CCNH: variants seen among roughly 807,000 people sequenced by gnomAD.
CCNH encodes cyclin-H.
A neutral mutation model predicts 41.9 loss-of-function variants in CCNH; 31 were observed. The ratio of observed to expected loss-of-function variants is 0.74; its 90% CI spans 0.56 to 1.00. The LOEUF (loss-of-function observed/expected upper bound fraction) is 1.00, where lower values mean the gene tolerates loss of function less well. CCNH is among the 50% of genes least tolerant of loss of function. The pLI is 0.00. For missense variants in CCNH, 362 were observed against 388.4 expected, an observed-to-expected ratio of 0.93 and a Z score of 0.57; for synonymous variants, 138 against 136.1, an observed-to-expected ratio of 1.01 and a Z score of -0.10.
At chr5:87,384,811 TCTC>T (rs1761955393) in intron 9 of CCNH, among the ~76,000 whole-genome samples, 1 of 152,158 alleles carries the variant, frequency 6.6e-6, no homozygotes, top group South Asian at 2.1e-4. Flanking sequence ...TTCATGTTTT[TCTC>T]CTCAAAATAA....
intron 9 of CCNH, among the ~76,000 whole-genome samples, chr5:87,328,263 A>G (rs1757375430): frequency 6.6e-6 from 1 of 152,170 alleles, no homozygotes; most frequent in Non-Finnish European, 1.5e-5. Context: ...GAGTATTCTC[A>G]TACCACCAGT....
At chr5:87,320,449 G>A (rs1756701757) in intron 9 of CCNH, among the ~76,000 whole-genome samples, 1 of 152,192 alleles carries the variant, frequency 6.6e-6, no homozygotes, top group Admixed American at 6.5e-5. Context: ...AGTTCTGTAG[G>A]CTGTACAGGA....
intron 9 of CCNH, chr5:87,332,727 T>C (rs1757688513): frequency 1.5e-6 from 2 of 1,314,740 alleles, no homozygotes; most frequent in East Asian, 2.4e-5. Flanking sequence ...TTCTTATGTT[T>C]ATTATAATTC....
the CCNH span, among the ~76,000 whole-genome samples, chr5:87,312,850 G>A: frequency 2.0e-5 from 3 of 152,000 alleles, no homozygotes; most frequent in South Asian, 4.1e-4. Context: ...TAAATCTTTC[G>A]CTATCAGAGA....
intron 3 of CCNH, 79 bp downstream of exon 3, chr5:87,409,211 T>C (rs1233037500): frequency 2.7e-6 from 2 of 750,348 alleles, no homozygotes; most frequent in East Asian, 2.7e-5. Flanking sequence ...TCTCTCACAA[T>C]TCTCTCCTCC....
At chr5:87,412,323 G>T in intron 1 of CCNH, 1 of 826,634 alleles carries the variant, frequency 1.2e-6, no homozygotes, top group Non-Finnish European at 1.5e-6. Flanking sequence ...CTGACTGCCT[G>T]GAACTTCCTT....
chr5:87,393,071 T>C (rs542093568), downstream of CCNH, among the ~76,000 whole-genome samples: 18 of 148,532 alleles, frequency 1.2e-4, no homozygotes, highest in East Asian at 3.0e-3. Context: ...CACTCTGGAA[T>C]GAGAAAAAAA....
At chr5:87,340,807 A>G (rs1758376111) in intron 9 of CCNH, among the ~76,000 whole-genome samples, 1 of 152,144 alleles carries the variant, frequency 6.6e-6, no homozygotes, top group Non-Finnish European at 1.5e-5. Context: ...AGTACAAGCT[A>G]CAGTGGTGGG....
chr5:87,391,638 A>G, downstream of CCNH: 1 of 233,820 alleles, frequency 4.3e-6, no homozygotes, highest in African/African-American at 2.2e-5. Flanking sequence ...TGTATTGATC[A>G]ATGCATGTTA....
chr5:87,380,393 G>C (rs934778428), upstream of CCNH: 7 of 961,746 alleles, frequency 7.3e-6, no homozygotes, highest in Middle Eastern at 2.2e-4. Flanking sequence ...ACTTTTTTGG[G>C]TAAAAGGCCA....
chr5:87,390,735 G>C, downstream of CCNH: 1 of 1,351,976 alleles, frequency 7.4e-7, no homozygotes, highest in South Asian at 1.2e-5. Flanking sequence ...TTCAAATCCA[G>C]GTTCCCATCC....
At chr5:87,389,579 G>A (rs757723684), downstream of CCNH, 40 of 1,598,974 alleles carry the variant, frequency 2.5e-5, no homozygotes, top group Non-Finnish European at 3.3e-5. Flanking sequence ...ATAACACTTA[G>A]AGAGTTAATA....
At chr5:87,396,307 G>C (rs1041148789) in intron 7 of CCNH, among the ~76,000 whole-genome samples, 2 of 152,116 alleles carry the variant, frequency 1.3e-5, no homozygotes, top group African/African-American at 4.8e-5. Flanking sequence ...ACTGTATATA[G>C]AATCTATAAA....
chr5:87,336,910 A>G (rs1221809438), intron 9 of CCNH, among the ~76,000 whole-genome samples: 1 of 152,092 alleles, frequency 6.6e-6, no homozygotes, highest in Non-Finnish European at 1.5e-5. Context: ...ATTGAGTTAA[A>G]TGTTGTATAA....
rs1491365794 is a variant in CCNH at position 87,338,533 on chromosome 5, A to ATATATAT, written c.*91-19637_*91-19636insATATATA. Among the ~76,000 whole-genome samples the ATATATAT allele has an allele frequency of 7.9e-3, 724 of 91,108 alleles. 26 individuals are homozygous for ATATATAT. The highest frequency in any genetic ancestry group is 0.01 in the South Asian group (30 of 2,926). 59.8% of individuals were successfully genotyped at this position (91,108 alleles called of 152,430 possible). ...TATATATATATATATATATATATAT[A>ATATATAT]AAATTTTTTTTTTTTTTAAGTAGAA... is the stretch of plus-strand genomic sequence containing the variant. On this transcript the variant is annotated intron_variant and NMD_transcript_variant, in intron 9 of 9. Transcript: ENST00000645953.
At chr5:87,318,459 TGTACAGGAAGC>T (rs1322195593) in exon 10 of CCNH, 1 of 153,448 alleles carries the variant, frequency 6.5e-6, no homozygotes, top group Non-Finnish European at 1.4e-5. Flanking sequence ...TTCTGCAGGC[TGTACAGGAAGC>T]ATGGCGGGGG....
At chr5:87,374,826 C>A, downstream of CCNH, 3 of 1,607,672 alleles carry the variant, frequency 1.9e-6, no homozygotes, top group South Asian at 2.2e-5. Context: ...TTCTTTTTCT[C>A]CTTGCTCCTT....
At chr5:87,353,644 T>C (rs760018640) in intron 9 of CCNH, among the ~76,000 whole-genome samples, 7 of 152,150 alleles carry the variant, frequency 4.6e-5, no homozygotes, top group Admixed American at 2.0e-4. Flanking sequence ...TATTTGCCTG[T>C]AGTTTTACGG....
At chr5:87,378,608 A>G (rs1264526592), upstream of CCNH, 2 of 1,434,538 alleles carry the variant, frequency 1.4e-6, no homozygotes, top group Non-Finnish European at 1.9e-6. Context: ...TTTGTAGCCA[A>G]TTACATTTTA....
Sources: allele counts gnomAD v4.1 joint callset (sites outside exome capture counted in the v4.1 genomes callset), GRCh38; gene constraint gnomAD v4.1.1; transcripts MANE v1.5; gene names NCBI Gene and HGNC (gene_info 2026-07-23, HGNC 2026-07-21).